The following TPRG1 variants were observed in gnomAD, a reference collection of about 807,000 sequenced individuals.
TPRG1 encodes the protein tumor protein p63-regulated gene 1 protein.
TPRG1 carries 29 observed loss-of-function variants against 29.3 expected under a neutral mutation model. That is an observed-to-expected ratio of 0.99 (90% CI 0.74 to 1.35). TPRG1 has a LOEUF of 1.35. Ranked by LOEUF, TPRG1 falls within the 40% of genes most tolerant of loss-of-function variation. The pLI is 0.00. For missense variants in TPRG1, 327 were observed against 335.0 expected (o/e 0.98, Z 0.19); for synonymous variants, 130 against 116.8 (o/e 1.11, Z -0.73).
intron 1 of TPRG1, among the ~76,000 whole-genome samples, chr3:189,113,588 A>G (rs1293570558): frequency 6.6e-6 from 1 of 151,786 alleles, no homozygotes; most frequent in African/African-American, 2.4e-5. Flanking sequence ...TAGCATGAAG[A>G]GTTGTTGAAT....
intron 4 of TPRG1, among the ~76,000 whole-genome samples, chr3:189,043,344 C>G (rs972083907): frequency 2.0e-5 from 3 of 152,126 alleles, no homozygotes; most frequent in Non-Finnish European, 4.4e-5. Flanking sequence ...TGAGGAGTGT[C>G]AGATTGTGGA....
chr3:189,191,038 G>A, intron 1 of TPRG1: 1 of 963,202 alleles, frequency 1.0e-6, no homozygotes, highest in African/African-American at 1.8e-5. Context: ...GGCTAATTTT[G>A]GTCATTGCTT....
At chr3:189,225,419 A>G (rs1000647942) in intron 3 of TPRG1, among the ~76,000 whole-genome samples, 17 of 152,218 alleles carry the variant, frequency 1.1e-4, no homozygotes, top group African/African-American at 4.1e-4. Context: ...ATCTTAAGTT[A>G]CTGAAGGATA....
At chr3:189,049,841 C>A (rs60720643) in intron 4 of TPRG1, among the ~76,000 whole-genome samples, 1 of 152,200 alleles carries the variant, frequency 6.6e-6, no homozygotes, top group African/African-American at 2.4e-5. Flanking sequence ...AGACAACCCC[C>A]AGTACCAGCC....
At chr3:189,150,114 A>T (rs1010214654) in intron 4 of TPRG1, among the ~76,000 whole-genome samples, 8 of 152,232 alleles carry the variant, frequency 5.3e-5, no homozygotes, top group African/African-American at 1.9e-4. Flanking sequence ...GCAAATGGAA[A>T]TGCAGTTCTG....
At chr3:189,031,303 G>T (rs2687312) in intron 4 of TPRG1, among the ~76,000 whole-genome samples, 1 of 8,158 alleles carries the variant, frequency 1.2e-4, no homozygotes, top group Non-Finnish European at 6.8e-4. Flanking sequence ...AAAAAAAAAA[G>T]AAAAATTAAA....
At chr3:189,156,367 A>G (rs1191976740) in intron 5 of TPRG1, among the ~76,000 whole-genome samples, 1 of 152,176 alleles carries the variant, frequency 6.6e-6, no homozygotes, top group African/African-American at 2.4e-5. Flanking sequence ...AAAAAAAAAA[A>G]AAATTATGTT....
At chr3:189,053,190 AC>A (rs1715440647) in intron 4 of TPRG1, among the ~76,000 whole-genome samples, 1 of 152,172 alleles carries the variant, frequency 6.6e-6, no homozygotes, top group Non-Finnish European at 1.5e-5. Flanking sequence ...TTCACCTTGC[AC>A]TTTTAGGAAG....
At chr3:189,263,300 A>G (rs1040853246) in intron 4 of TPRG1, among the ~76,000 whole-genome samples, 12 of 152,316 alleles carry the variant, frequency 7.9e-5, no homozygotes, top group Admixed American at 6.5e-4. Flanking sequence ...GATGAGTAGG[A>G]GTTAAGGAGA....
chr3:189,234,392 A>G (rs1739127482), intron 3 of TPRG1, among the ~76,000 whole-genome samples: 1 of 152,238 alleles, frequency 6.6e-6, no homozygotes, highest in Non-Finnish European at 1.5e-5. Flanking sequence ...AAGTCACCTG[A>G]AATTCCACCA....
At chr3:189,068,376 T>G (rs1262094903) in intron 4 of TPRG1, among the ~76,000 whole-genome samples, 2 of 152,182 alleles carry the variant, frequency 1.3e-5, no homozygotes, top group Non-Finnish European at 2.9e-5. Flanking sequence ...CATGCGCTAT[T>G]TGCAATAGCC....
chr3:189,024,708 C>T (rs2152126646), intron 4 of TPRG1, among the ~76,000 whole-genome samples: 2 of 152,284 alleles, frequency 1.3e-5, no homozygotes, highest in East Asian at 3.9e-4. Context: ...CAGATTTCTG[C>T]CTATAGAATA....
intron 4 of TPRG1, among the ~76,000 whole-genome samples, chr3:189,038,166 A>G (rs1452583441): frequency 1.3e-5 from 2 of 152,016 alleles, no homozygotes; most frequent in Admixed American, 1.3e-4. Flanking sequence ...AGAAAAAAAA[A>G]TAGCCTGCCA....
intron 3 of TPRG1, among the ~76,000 whole-genome samples, chr3:189,218,922 G>A (rs1578878610): frequency 1.3e-5 from 2 of 152,258 alleles, no homozygotes; most frequent in Middle Eastern, 3.4e-3. Context: ...GAAGAGACTG[G>A]AGAAGAGACT....
rs9814157 is a variant in TPRG1, at chr3:189,300,823, A to C, written c.480-9563A>C. Among the ~76,000 whole-genome samples the C allele has an allele frequency of 2.6e-5, 4 of 152,076 alleles. No individual in the cohort carries two copies. The East Asian group carries it at 7.7e-4, about 29-fold the overall frequency. On this transcript the variant is annotated intron_variant, in intron 4 of 5. Coordinates refer to ENST00000345063, the MANE Select transcript of TPRG1 (RefSeq NM_198485.4). Reference sequence around the variant, plus strand: ...GCCCTCAGATATCCTCAATATTCCTACTTTACTAGTAGAGCTCATGGCTCT... The same window carrying C: ...GCCCTCAGATATCCTCAATATTCCTCCTTTACTAGTAGAGCTCATGGCTCT...
At chr3:189,114,619 C>T (rs1020110664) in intron 1 of TPRG1, among the ~76,000 whole-genome samples, 1 of 152,038 alleles carries the variant, frequency 6.6e-6, no homozygotes. Context: ...TCCTCTCATG[C>T]CCCCGAATTC....
At chr3:189,017,415 T>G (rs1713004841) in intron 3 of TPRG1, among the ~76,000 whole-genome samples, 1 of 152,074 alleles carries the variant, frequency 6.6e-6, no homozygotes, top group African/African-American at 2.4e-5. Context: ...GAGTGTGATG[T>G]TCCCCTTCCT....
intron 5 of TPRG1, among the ~76,000 whole-genome samples, chr3:189,166,240 T>C (rs1003902666): frequency 9.9e-5 from 15 of 152,220 alleles, no homozygotes; most frequent in African/African-American, 1.2e-4. Context: ...AGGATCTTCC[T>C]CTCTGGTTCA....
intron 1 of TPRG1, among the ~76,000 whole-genome samples, chr3:189,100,374 A>C (rs1719043025): frequency 6.6e-6 from 1 of 152,212 alleles, no homozygotes; most frequent in South Asian, 2.1e-4. Context: ...GGGAAAATGA[A>C]AAATCATTCA....
Sources: gnomAD v4.1 joint callset for allele counts (sites outside exome capture counted in the v4.1 genomes callset) on GRCh38, gnomAD v4.1.1 for gene constraint, MANE v1.5 for transcripts, NCBI Gene and HGNC (gene_info 2026-07-23, HGNC 2026-07-21) for gene names.